Variants in PTPRN2 observed in about 807,000 individuals in gnomAD.
PTPRN2 encodes protein tyrosine phosphatase receptor type N2.
Under a neutral mutation model 118.8 loss-of-function variants are expected in PTPRN2, and 74 were observed. That is an observed-to-expected ratio of 0.62 (90% CI 0.52 to 0.76). The LOEUF is 0.76. Among genes scored for constraint, PTPRN2 ranks in the 30% least tolerant of loss-of-function variants. The pLI is 0.00. For synonymous variants in PTPRN2, 641 were observed against 608.0 expected (o/e 1.05, Z -0.80); for missense variants, 1,481 against 1,394.4 (o/e 1.06, Z -0.99).
intron 12 of PTPRN2, among the ~76,000 whole-genome samples, chr7:157,835,057 C>T (rs1807838538): frequency 6.6e-6 from 1 of 152,122 alleles, no homozygotes; most frequent in Non-Finnish European, 1.5e-5. Flanking sequence ...TCTTCTCTTC[C>T]TTTGAGAATG....
chr7:158,425,790 C>T (rs1370458644), intron 2 of PTPRN2, among the ~76,000 whole-genome samples: 1 of 103,836 alleles, frequency 9.6e-6, no homozygotes, highest in African/African-American at 4.2e-5. Context: ...TAGCTGAGGC[C>T]TGCGCACCGC....
rs1013219402 is a variant in PTPRN2 at position 158,546,581 on chromosome 7, C to T, written c.112+40977G>A. 1.3e-5 allele frequency among the ~76,000 whole-genome samples: 2 copies of T among 152,158 alleles called. No individual in the cohort carries two copies. On this transcript the variant is annotated intron_variant, in intron 1 of 22. Transcript: ENST00000389418. This position sits in a 1 kb window ranked among gnomAD's most constrained non-coding sequence, Gnocchi z 5.0. Reference sequence around the variant, plus strand: ...AGGAAGCACCCTGGGAAGCCCATCGCCTGTTGCCCTCCCAGGCCACACCTT... The same window carrying T: ...AGGAAGCACCCTGGGAAGCCCATCGTCTGTTGCCCTCCCAGGCCACACCTT...
chr7:157,844,339 C>T (rs547180291), intron 12 of PTPRN2, among the ~76,000 whole-genome samples: 151 of 152,388 alleles, frequency 9.9e-4, no homozygotes, highest in African/African-American at 3.5e-3. Context: ...GCCCCATCCC[C>T]AGCCTGCACC....
chr7:158,027,806 G>C (rs1010006589), intron 11 of PTPRN2: 1 of 152,178 alleles, frequency 6.6e-6, no homozygotes, highest in African/African-American at 2.4e-5. Context: ...TAAGATGACT[G>C]GGATGTCATT....
intron 6 of PTPRN2, among the ~76,000 whole-genome samples, chr7:158,145,682 C>A (rs1389233233): frequency 6.6e-6 from 1 of 152,240 alleles, no homozygotes; most frequent in Non-Finnish European, 1.5e-5. Context: ...CTGCAGCTGC[C>A]TGCACACTTT....
rs114560222 is a variant in PTPRN2, at chr7:158,507,092, G to A, written c.113-17307C>T. On this transcript the variant is annotated intron_variant, in intron 1 of 22. Transcript: ENST00000389418. ...TTGAAGGGTGGAGAGGCAGGGAGAG[G>A]GGTGGGTAAGCTATGGGTCAGAACA... 9.9e-3 allele frequency among the ~76,000 whole-genome samples: 1,504 copies of A among 152,352 alleles called. 23 individuals are homozygous for A. The highest frequency in any genetic ancestry group is 0.034 in the African/African-American group (1,417 of 41,578).
chr7:157,642,407 T>A (rs570846866), intron 14 of PTPRN2, among the ~76,000 whole-genome samples: 2 of 152,370 alleles, frequency 1.3e-5, no homozygotes, highest in East Asian at 3.9e-4. Flanking sequence ...GATAACTCCA[T>A]CCAGGCCCTG....
rs192203478 is a variant in PTPRN2, at chr7:157,947,680, T to G, written c.1724-48943A>C. Among the ~76,000 whole-genome samples, 829 of 152,156 alleles carry G rather than the reference T, an allele frequency of 5.4e-3. 7 individuals carry two copies. Among genetic ancestry groups the G allele is most frequent in the Non-Finnish European group, 5.1e-3 (346 of 68,024 alleles). ...CTGACCAATACTATCCCAAATTTGA[T>G]GAAAGACATGAATATACATATCCAA... On this transcript the variant is annotated intron_variant, in intron 11 of 22. Transcript: ENST00000389418.
At chr7:158,376,498 CT>C (rs2151331319) in intron 2 of PTPRN2, among the ~76,000 whole-genome samples, 1 of 142,396 alleles carries the variant, frequency 7.0e-6, no homozygotes, top group Non-Finnish European at 1.5e-5. Context: ...GTGGACTCCC[CT>C]ACAGCCCTGT....
rs79959024 is a variant in PTPRN2 at position 157,974,170 on chromosome 7, G to A, written c.1724-75433C>T. ...TGAGCGCCGGCCCTGCGGATCCGGC[G>A]ATGATCATTGTGGAAAGAATGGACA... is the stretch of plus-strand genomic sequence containing the variant. On this transcript the variant is annotated intron_variant, in intron 11 of 22. Coordinates refer to ENST00000389418, the MANE Select transcript of PTPRN2 (RefSeq NM_002847.5). The surrounding 1 kb of genome is among the most constrained non-coding windows in gnomAD (Gnocchi z 4.0). Among the ~76,000 whole-genome samples, 631 of 152,330 alleles carry A rather than the reference G, an allele frequency of 4.1e-3. 14 individuals are homozygous for A. The South Asian group carries it at 0.052, about 12-fold the overall frequency.
At chr7:158,561,173 T>G (rs1036971662) in intron 1 of PTPRN2, among the ~76,000 whole-genome samples, 16 of 152,256 alleles carry the variant, frequency 1.1e-4, no homozygotes, top group African/African-American at 3.9e-4. Context: ...GACATTAGAT[T>G]ACTTAATTCT....
chr7:158,070,119 T>C (rs2128914402), intron 11 of PTPRN2, among the ~76,000 whole-genome samples: 1 of 152,362 alleles, frequency 6.6e-6, no homozygotes, highest in African/African-American at 2.4e-5. Context: ...ATACCTGACC[T>C]AGATTGGTGC....
chr7:158,095,364 A>C (rs780295085), intron 10 of PTPRN2, among the ~76,000 whole-genome samples: 1 of 151,902 alleles, frequency 6.6e-6, no homozygotes, highest in South Asian at 2.1e-4. Context: ...ATGTGTTTAC[A>C]TATTTCTTGG....
chr7:158,145,503 A>T (rs1379204435), intron 6 of PTPRN2, among the ~76,000 whole-genome samples: 3 of 152,210 alleles, frequency 2.0e-5, no homozygotes, highest in Admixed American at 6.5e-5. Context: ...GCAGGCATCC[A>T]CCCTTGAGAA....
chr7:158,489,697 G>T (rs759554531), intron 2 of PTPRN2, 38 bp downstream of exon 2: 1 of 1,549,602 alleles, frequency 6.5e-7, no homozygotes, highest in Non-Finnish European at 8.7e-7. Flanking sequence ...GCAGGAGAGG[G>T]GCAGACCAGG....
chr7:157,625,601 G>T (rs538241773), intron 14 of PTPRN2, among the ~76,000 whole-genome samples: 1 of 152,208 alleles, frequency 6.6e-6, no homozygotes, highest in African/African-American at 2.4e-5. Flanking sequence ...GGGGGCGAGG[G>T]ATAAAAGATT....
chr7:157,895,458 G>T (rs62478070), intron 12 of PTPRN2, among the ~76,000 whole-genome samples: 4,800 of 152,286 alleles, frequency 0.032, 96 homozygotes, highest in Non-Finnish European at 0.048. Flanking sequence ...CATAAAATAA[G>T]TAGGTTTAAA....
At chr7:157,963,702 G>A (rs1472830554) in intron 11 of PTPRN2, among the ~76,000 whole-genome samples, 2 of 152,208 alleles carry the variant, frequency 1.3e-5, no homozygotes, top group Non-Finnish European at 2.9e-5. Context: ...CCATCCCCAG[G>A]GCAGACGATG....
At chr7:157,843,588 G>A (rs1257156522) in intron 12 of PTPRN2, among the ~76,000 whole-genome samples, 1 of 152,208 alleles carries the variant, frequency 6.6e-6, no homozygotes, top group Non-Finnish European at 1.5e-5. Context: ...CCTGGGGGAG[G>A]GCAGGTGGAG....
Sources: allele counts gnomAD v4.1 joint callset (sites outside exome capture counted in the v4.1 genomes callset), GRCh38; gene constraint gnomAD v4.1.1; non-coding constraint Gnocchi (gnomAD v3.1); transcripts MANE v1.5; gene names NCBI Gene and HGNC (gene_info 2026-07-23, HGNC 2026-07-21).